Variants in PIAS2 observed in about 807,000 individuals in gnomAD.
The protein encoded by PIAS2 is protein inhibitor of activated STAT 2, also known as E3 SUMO-protein ligase PIAS2.
PIAS2 carries 19 observed loss-of-function variants against 69.7 expected under a neutral mutation model. The observed-to-expected ratio is 0.27, with a 90% CI of 0.19 to 0.40. PIAS2 has a LOEUF of 0.40. Ranked by LOEUF, PIAS2 falls within the 10% of genes least tolerant of loss-of-function variation. The probability of loss-of-function intolerance (pLI) is 1.00; values close to 1 mark genes in which losing one functional copy is unlikely to be tolerated. For missense variants in PIAS2, 624 were observed against 757.0 expected, an observed-to-expected ratio of 0.82 and a Z score of 2.06; for synonymous variants, 261 against 263.2, an observed-to-expected ratio of 0.99 and a Z score of 0.08.
At chr18:46,864,272 G>C in intron 2 of PIAS2, 24 bp from the exon 3 acceptor site, 1 of 1,464,140 alleles carries the variant, frequency 6.8e-7, no homozygotes, top group Non-Finnish European at 9.3e-7. Context: ...AAAAAAGAAA[G>C]ATAATATTTC....
chr18:46,816,452 T>C, intron 12 of PIAS2: 1 of 985,222 alleles, frequency 1.0e-6, no homozygotes, highest in Non-Finnish European at 1.2e-6. Context: ...TAAAGCCTTT[T>C]TGAAAATTGT....
chr18:46,816,346 C>A, intron 12 of PIAS2: 1 of 961,612 alleles, frequency 1.0e-6, no homozygotes. Flanking sequence ...TATATTTATT[C>A]TCTTATAATC....
At chr18:46,813,390 A>C (rs2041176051) in intron 13 of PIAS2, among the ~76,000 whole-genome samples, 1 of 152,212 alleles carries the variant, frequency 6.6e-6, no homozygotes, top group African/African-American at 2.4e-5. Context: ...ACCTGAATGT[A>C]CTACTCTAAT....
intron 11 of PIAS2, chr18:46,826,996 GT>G (rs1291224346): frequency 2.0e-5 from 3 of 152,124 alleles, no homozygotes; most frequent in Non-Finnish European, 2.9e-5. Flanking sequence ...CATGAAGAAA[GT>G]TTTTTGGGTG....
intron 9 of PIAS2, 169 bp downstream of exon 9, chr18:46,836,188 A>G (rs2044400412): frequency 3.8e-6 from 2 of 527,864 alleles, no homozygotes; most frequent in Non-Finnish European, 6.8e-6. Context: ...CCACAGTTTA[A>G]AAAATAAGAT....
At chr18:46,830,740 T>C (rs1404716536) in intron 9 of PIAS2, among the ~76,000 whole-genome samples, 3 of 152,188 alleles carry the variant, frequency 2.0e-5, no homozygotes, top group Non-Finnish European at 4.4e-5. Flanking sequence ...GTTGGATCTG[T>C]AGTTAAAAAC....
intron 1 of PIAS2, chr18:46,916,696 G>A (rs1372564764): frequency 6.9e-6 from 3 of 431,840 alleles, no homozygotes; most frequent in Non-Finnish European, 6.2e-6. Flanking sequence ...AGACTTTGCA[G>A]ATTTCTTACT....
At chr18:46,880,265 G>A (rs758508478) in intron 2 of PIAS2, among the ~76,000 whole-genome samples, 3 of 152,068 alleles carry the variant, frequency 2.0e-5, no homozygotes, top group Non-Finnish European at 4.4e-5. Context: ...GGGCATGGTG[G>A]TGCACACCTG....
chr18:46,862,638 TATATATACAC>T (rs1162695312), intron 3 of PIAS2, among the ~76,000 whole-genome samples: 32 of 150,930 alleles, frequency 2.1e-4, no homozygotes, highest in African/African-American at 5.1e-4. Flanking sequence ...TATACATACA[TATATATACAC>T]ATATATACAC....
rs1223465685 is a variant in PIAS2 at position 46,855,558 on chromosome 18, A to C, written c.635+7T>G. On this transcript the variant is annotated splice_region_variant and intron_variant, in intron 4 of 13. Transcript: ENST00000585916. ...AAAACTAAGGTAACAGAAAATTTCAAACTCACCTCAACTGAACTTGGACTG... is the reference window on the plus strand; with the variant it reads ...AAAACTAAGGTAACAGAAAATTTCACACTCACCTCAACTGAACTTGGACTG... 6.2e-7 allele frequency: 1 copy of C among 1,611,844 alleles called. No individual in the cohort carries two copies. The highest frequency in any genetic ancestry group is 8.5e-7 in the Non-Finnish European group (1 of 1,178,108).
At chr18:46,875,673 A>G (rs931276532) in intron 2 of PIAS2, among the ~76,000 whole-genome samples, 1 of 152,230 alleles carries the variant, frequency 6.6e-6, no homozygotes, top group African/African-American at 2.4e-5. Context: ...GTGGAGGTGA[A>G]AGAATTAAGG....
chr18:46,814,333 C>A (rs2041278055), intron 13 of PIAS2, among the ~76,000 whole-genome samples: 2 of 152,142 alleles, frequency 1.3e-5, no homozygotes. Context: ...AAATAAAAAC[C>A]TCTAGGTTCC....
At chr18:46,907,559 C>T (rs2056770082) in intron 1 of PIAS2, 1 of 152,100 alleles carries the variant, frequency 6.6e-6, no homozygotes, top group African/African-American at 2.4e-5. Context: ...ATACAGTTGA[C>T]CTTTGAATAA....
intron 12 of PIAS2, among the ~76,000 whole-genome samples, chr18:46,820,458 G>T (rs1320981447): frequency 6.6e-6 from 1 of 152,080 alleles, no homozygotes; most frequent in African/African-American, 2.4e-5. Flanking sequence ...ACATATAAAA[G>T]ATATCCCAAG....
chr18:46,917,701 G>A (rs953477872), upstream of PIAS2: 4 of 360,572 alleles, frequency 1.1e-5, no homozygotes, highest in African/African-American at 6.6e-5. Context: ...CCCCGGCGGA[G>A]GCCCCTGCGG....
chr18:46,829,708 A>T lies in PIAS2; in HGVS notation c.1336+26T>A, dbSNP rs779882513. On this transcript the variant is annotated intron_variant, in intron 10 of 13. Coordinates refer to ENST00000585916, the MANE Select transcript of PIAS2 (RefSeq NM_004671.5). ...AATGTTGCACGAGTCTCACTGCTTTACTCTCTGCTGCTATTCTACACATAC... is the reference window on the plus strand; with the variant it reads ...AATGTTGCACGAGTCTCACTGCTTTTCTCTCTGCTGCTATTCTACACATAC... The T allele has an allele frequency of 8.7e-6, 14 of 1,602,968 alleles. 1 individual carries two copies. The African/African-American group carries it at 1.7e-4, about 20-fold the overall frequency.
At chr18:46,856,260 C>T (rs2145463414) in intron 3 of PIAS2, among the ~76,000 whole-genome samples, 1 of 152,098 alleles carries the variant, frequency 6.6e-6, no homozygotes, top group African/African-American at 2.4e-5. Flanking sequence ...CTTGGCCTCC[C>T]AAAGTGTCTC....
chr18:46,889,055 ACT>A (rs1309992227), intron 2 of PIAS2, among the ~76,000 whole-genome samples: 1 of 152,210 alleles, frequency 6.6e-6, no homozygotes, highest in African/African-American at 2.4e-5. Flanking sequence ...AAAGCTGGAC[ACT>A]CACCTAATAC....
chr18:46,823,435 A>C (rs76750595), intron 11 of PIAS2, among the ~76,000 whole-genome samples: 1 of 152,242 alleles, frequency 6.6e-6, no homozygotes, highest in Non-Finnish European at 1.5e-5. Flanking sequence ...CGTAACAACA[A>C]TAACAGAGCT....
Sources: gnomAD v4.1 joint callset for allele counts (sites outside exome capture counted in the v4.1 genomes callset) on GRCh38, gnomAD v4.1.1 for gene constraint, MANE v1.5 for transcripts, NCBI Gene and HGNC (gene_info 2026-07-23, HGNC 2026-07-21) for gene names.